The following ADAMTS3 variants were observed in gnomAD, a reference collection of about 807,000 sequenced individuals.
ADAMTS3 encodes ADAM metallopeptidase with thrombospondin type 1 motif 3, also known as A disintegrin and metalloproteinase with thrombospondin motifs 3.
Under a neutral mutation model 129.0 loss-of-function variants are expected in ADAMTS3, and 73 were observed. That is an observed-to-expected ratio of 0.57 (90% CI 0.47 to 0.69). The LOEUF (loss-of-function observed/expected upper bound fraction) is 0.69. Among genes scored for constraint, ADAMTS3 ranks in the 30% least tolerant of loss-of-function variants. ADAMTS3 has a pLI of 0.00. For synonymous variants in ADAMTS3, 477 were observed against 510.8 expected, an observed-to-expected ratio of 0.93 and a Z score of 0.89; for missense variants, 1,457 against 1,514.5, an observed-to-expected ratio of 0.96 and a Z score of 0.63.
intron 3 of ADAMTS3, among the ~76,000 whole-genome samples, chr4:72,546,804 A>C (rs1372531682): frequency 6.6e-6 from 1 of 152,136 alleles, no homozygotes; most frequent in Non-Finnish European, 1.5e-5. Context: ...CTGTGGGAGA[A>C]ATCTATTTCA....
intron 3 of ADAMTS3, among the ~76,000 whole-genome samples, chr4:72,528,282 G>A (rs1023718552): frequency 6.6e-5 from 10 of 151,624 alleles, no homozygotes; most frequent in African/African-American, 2.2e-4. Context: ...ACTAATTTAA[G>A]AGACACACTA....
intron 3 of ADAMTS3, among the ~76,000 whole-genome samples, chr4:72,487,315 T>A (rs557373692): frequency 6.6e-6 from 1 of 152,234 alleles, no homozygotes; most frequent in South Asian, 2.1e-4. Context: ...GAAAAAAGGA[T>A]GCATGTGCTA....
At chr4:72,283,763 G>A (rs969331986) in intron 21 of ADAMTS3, 59 bp from the exon 22 acceptor site, 7 of 1,400,050 alleles carry the variant, frequency 5.0e-6, no homozygotes, top group Admixed American at 2.4e-5. Flanking sequence ...ATAAAAGGAG[G>A]AAAAAAATTA....
In ADAMTS3 at chr4:72,281,094, T is replaced by C. The variant is rs1302045142; in HGVS notation, c.*2042A>G. 1 of 152,576 alleles carries C rather than the reference T, an allele frequency of 6.6e-6. No homozygotes were observed. The highest frequency in any genetic ancestry group is 1.5e-5 in the Non-Finnish European group (1 of 68,000). The allele number at this position is 152,576 out of a possible 1,614,324, so 9.5% of individuals were successfully genotyped here. ...GAAAGCCCAAAGGTCAGAAGTATAATGAATATGTACATCTTTATGGAAACT... is the reference window on the plus strand; with the variant it reads ...GAAAGCCCAAAGGTCAGAAGTATAACGAATATGTACATCTTTATGGAAACT... On this transcript the variant is annotated 3_prime_UTR_variant, in exon 22 of 22. Transcript: ENST00000286657.
intron 3 of ADAMTS3, among the ~76,000 whole-genome samples, chr4:72,514,534 T>C (rs1720403852): frequency 6.6e-6 from 1 of 152,182 alleles, no homozygotes; most frequent in Non-Finnish European, 1.5e-5. Flanking sequence ...TGTTAGATTT[T>C]TATCCAGCTA....
chr4:72,380,128 G>A (rs1166022515), intron 4 of ADAMTS3, among the ~76,000 whole-genome samples: 1 of 152,078 alleles, frequency 6.6e-6, no homozygotes, highest in Non-Finnish European at 1.5e-5. Context: ...GGACCAATGG[G>A]ACACGCAAAC....
At chr4:72,325,207 A>T (rs1235034678) in intron 5 of ADAMTS3, among the ~76,000 whole-genome samples, 1 of 152,156 alleles carries the variant, frequency 6.6e-6, no homozygotes, top group Non-Finnish European at 1.5e-5. Flanking sequence ...AACCATTCAC[A>T]TTATTAAAGG....
At chr4:72,364,148 C>A (rs1720805652) in intron 4 of ADAMTS3, among the ~76,000 whole-genome samples, 1 of 151,732 alleles carries the variant, frequency 6.6e-6, no homozygotes, top group Non-Finnish European at 1.5e-5. Context: ...AGTATAGAAA[C>A]CAATAAACAT....
intron 4 of ADAMTS3, among the ~76,000 whole-genome samples, chr4:72,357,358 A>T (rs1720606633): frequency 6.6e-6 from 1 of 152,000 alleles, no homozygotes; most frequent in South Asian, 2.1e-4. Flanking sequence ...CAACTGAAAA[A>T]TAGATTATAG....
At chr4:72,476,162 A>T (rs1452497906) in intron 3 of ADAMTS3, among the ~76,000 whole-genome samples, 1 of 152,004 alleles carries the variant, frequency 6.6e-6, no homozygotes, top group South Asian at 2.1e-4. Flanking sequence ...GAAAAAATCA[A>T]TAGAGAAAAC....
At position 72,529,375 on chromosome 4, in the gene ADAMTS3, T is replaced by C. The variant is rs76349452; in HGVS notation, c.504+19103A>G. On this transcript the variant is annotated intron_variant, in intron 3 of 21. Coordinates refer to ENST00000286657, the MANE Select transcript of ADAMTS3 (RefSeq NM_014243.3). The stretch of plus-strand genomic sequence containing the variant: ...CAGACTTACTGAGTCAGAAAGTCTG[T>C]GGTGGTGCCCAGAAATCTGTTTTAG... 5.3e-3 allele frequency among the ~76,000 whole-genome samples: 811 copies of C among 152,044 alleles called. 1 individual carries two copies. Among genetic ancestry groups the C allele is most frequent in the African/African-American group, 0.019 (781 of 41,496 alleles).
At chr4:72,393,485 C>A (rs763276625) in intron 4 of ADAMTS3, among the ~76,000 whole-genome samples, 4 of 151,972 alleles carry the variant, frequency 2.6e-5, no homozygotes, top group Non-Finnish European at 5.9e-5. Flanking sequence ...AAAAGATGAG[C>A]AAAAGTCTTC....
chr4:72,482,794 T>C (rs1397639914), intron 3 of ADAMTS3, among the ~76,000 whole-genome samples: 1 of 152,114 alleles, frequency 6.6e-6, no homozygotes, highest in Admixed American at 6.5e-5. Context: ...TTCTAACAAG[T>C]CTTCAGATAA....
chr4:72,392,915 A>ATTTTTTTTTTTTTT (rs36046621), intron 4 of ADAMTS3, among the ~76,000 whole-genome samples: 11 of 139,850 alleles, frequency 7.9e-5, no homozygotes, highest in Admixed American at 7.2e-5. Context: ...TACCCATCGG[A>ATTTTTTTTTTTTTT]TTTTTTTTTT....
At chr4:72,544,754 T>A (rs1449321127) in intron 3 of ADAMTS3, among the ~76,000 whole-genome samples, 1 of 152,194 alleles carries the variant, frequency 6.6e-6, no homozygotes, top group African/African-American at 2.4e-5. Flanking sequence ...ACATCATGGT[T>A]TTCATGGCAT....
intron 4 of ADAMTS3, among the ~76,000 whole-genome samples, chr4:72,405,201 A>G (rs1560503727): frequency 6.6e-6 from 1 of 152,164 alleles, no homozygotes; most frequent in Non-Finnish European, 1.5e-5. Context: ...CATATATCCA[A>G]AAGAACTGAA....
At chr4:72,503,655 G>C (rs1720083124) in intron 3 of ADAMTS3, among the ~76,000 whole-genome samples, 1 of 152,234 alleles carries the variant, frequency 6.6e-6, no homozygotes, top group South Asian at 2.1e-4. Flanking sequence ...GAATTTCTTT[G>C]TTAGCTTTCT....
intron 3 of ADAMTS3, among the ~76,000 whole-genome samples, chr4:72,507,172 T>G (rs1720184580): frequency 2.6e-5 from 4 of 152,214 alleles, no homozygotes; most frequent in African/African-American, 9.6e-5. Context: ...ATTTTTTATT[T>G]TTACTTTTTA....
intron 21 of ADAMTS3, among the ~76,000 whole-genome samples, chr4:72,287,056 G>A (rs1403093244): frequency 6.6e-6 from 1 of 152,090 alleles, no homozygotes; most frequent in East Asian, 1.9e-4. Flanking sequence ...ACAGGGTGGG[G>A]ACTTTGGGAG....
Sources: gnomAD v4.1 joint callset for allele counts (sites outside exome capture counted in the v4.1 genomes callset) on GRCh38, gnomAD v4.1.1 for gene constraint, MANE v1.5 for transcripts, NCBI Gene and HGNC (gene_info 2026-07-23, HGNC 2026-07-21) for gene names.